The following MICU1 variants were observed in gnomAD, a reference collection of about 807,000 sequenced individuals.
MICU1 encodes the protein calcium uptake protein 1, mitochondrial.
A neutral mutation model predicts 56.8 loss-of-function variants in MICU1; 45 were observed. The observed-to-expected ratio is 0.79, with a 90% confidence interval of 0.62 to 1.02. MICU1 has a LOEUF of 1.02. MICU1 is among the 50% of genes least tolerant of loss of function. The pLI, the probability that MICU1 is intolerant of heterozygous loss-of-function variation, is 0.00. For synonymous variants in MICU1, 186 were observed against 195.1 expected (o/e 0.95, Z 0.39); for missense variants, 504 against 587.1 (o/e 0.86, Z 1.46).
chr10:72,501,216 T>C (rs1415823284), intron 6 of MICU1, among the ~76,000 whole-genome samples: 4 of 152,128 alleles, frequency 2.6e-5, no homozygotes, highest in Non-Finnish European at 5.9e-5. Flanking sequence ...AGATAAGGTT[T>C]AAAGCAATAG....
intron 8 of MICU1, among the ~76,000 whole-genome samples, chr10:72,470,016 T>C (rs975238479): frequency 6.6e-6 from 1 of 152,226 alleles, no homozygotes; most frequent in African/African-American, 2.4e-5. Context: ...TAAAGTCATA[T>C]TCTGAGATAC....
At chr10:72,601,404 T>G (rs1841529165) in intron 1 of MICU1, among the ~76,000 whole-genome samples, 1 of 118,896 alleles carries the variant, frequency 8.4e-6, no homozygotes. Context: ...AGCTTAAGAG[T>G]CAGAGCAAAT....
At chr10:72,427,731 A>AAAATAAAT (rs1491112212) in intron 8 of MICU1, among the ~76,000 whole-genome samples, 9 of 119,434 alleles carry the variant, frequency 7.5e-5, no homozygotes, top group African/African-American at 2.8e-4. Context: ...CCCCATCTCT[A>AAAATAAAT]AAATATATAT....
chr10:72,379,149 C>G (rs1459217102), intron 10 of MICU1, among the ~76,000 whole-genome samples: 2 of 152,140 alleles, frequency 1.3e-5, no homozygotes, highest in Non-Finnish European at 2.9e-5. Flanking sequence ...ACAGAAGGAA[C>G]AGAAATCAGG....
intron 11 of MICU1, among the ~76,000 whole-genome samples, chr10:72,374,373 G>A (rs556945941): frequency 1.6e-4 from 25 of 152,264 alleles, no homozygotes; most frequent in Non-Finnish European, 2.5e-4. Flanking sequence ...CCATCTTCCT[G>A]CCTTAGCCTC....
chr10:72,456,684 A>C (rs1358587115), intron 8 of MICU1, among the ~76,000 whole-genome samples: 1 of 151,794 alleles, frequency 6.6e-6, no homozygotes, highest in East Asian at 1.9e-4. Context: ...TTTTAGGGTA[A>C]TTTCTTTCTT....
At chr10:72,546,304 A>T (rs140542868) in intron 4 of MICU1, among the ~76,000 whole-genome samples, 72 of 152,320 alleles carry the variant, frequency 4.7e-4, no homozygotes, top group African/African-American at 1.5e-3. Flanking sequence ...ATATATTTTA[A>T]GTTCAGCCTA....
At chr10:72,495,655 CAA>C (rs758909513) in intron 6 of MICU1, among the ~76,000 whole-genome samples, 8,388 of 85,132 alleles carry the variant, frequency 0.099, 279 homozygotes, top group African/African-American at 0.24. Flanking sequence ...ACCTCTGTCT[CAA>C]AAAAAAAAAA....
At chr10:72,529,875 A>C (rs1267599161) in intron 5 of MICU1, among the ~76,000 whole-genome samples, 1 of 152,012 alleles carries the variant, frequency 6.6e-6, no homozygotes, top group East Asian at 1.9e-4. Flanking sequence ...TCATTAAATA[A>C]ATAATCCAAA....
intron 6 of MICU1, among the ~76,000 whole-genome samples, chr10:72,492,771 T>C (rs907276216): frequency 3.9e-5 from 4 of 103,540 alleles, no homozygotes; most frequent in African/African-American, 1.3e-4. Flanking sequence ...TCAAAATAAA[T>C]AAAATAAAAA....
chr10:72,406,004 G>GA (rs568120961), intron 10 of MICU1, among the ~76,000 whole-genome samples: 1 of 145,630 alleles, frequency 6.9e-6, no homozygotes, highest in Non-Finnish European at 1.5e-5. Context: ...AATAAAGCAA[G>GA]AAAAAAAAAG....
At chr10:72,499,824 C>A (rs567341256) in intron 6 of MICU1, among the ~76,000 whole-genome samples, 24 of 152,256 alleles carry the variant, frequency 1.6e-4, no homozygotes, top group Admixed American at 1.5e-3. Flanking sequence ...ATAACATTTT[C>A]ATTAGATGGA....
Position 72,463,675 on chromosome 10 carries a change from T to C in MICU1, c.933+11425A>G, listed in dbSNP as rs200493619. On this transcript the variant is annotated intron_variant, in intron 8 of 11. Transcript: ENST00000361114. ...TAATGGCGTTCCCATAAGATTATCA[T>C]GGAACTGAAAAATTCCTATCACCTA... Among the ~76,000 whole-genome samples the C allele has an allele frequency of 3.3e-5, 5 of 152,222 alleles. No individual in the cohort carries two copies. The East Asian group carries it at 9.6e-4, about 29-fold the overall frequency.
chr10:72,481,645 C>T (rs1233809801), intron 6 of MICU1, among the ~76,000 whole-genome samples: 1 of 152,198 alleles, frequency 6.6e-6, no homozygotes, highest in African/African-American at 2.4e-5. Flanking sequence ...CTCCTGGCCT[C>T]AAGTGATGCA....
At chr10:72,540,144 G>A (rs1189198128) in intron 4 of MICU1, among the ~76,000 whole-genome samples, 6 of 151,944 alleles carry the variant, frequency 3.9e-5, no homozygotes, top group African/African-American at 1.5e-4. Context: ...GCGCATGCCT[G>A]TAATCCCAGC....
intron 4 of MICU1, among the ~76,000 whole-genome samples, chr10:72,544,114 C>CTGTT: frequency 6.6e-6 from 1 of 150,686 alleles, no homozygotes; most frequent in Non-Finnish European, 1.5e-5. Flanking sequence ...AAATCCCTGT[C>CTGTT]CTGTTCTGTT....
intron 5 of MICU1, among the ~76,000 whole-genome samples, chr10:72,530,353 T>TAAG (rs1839443554): frequency 7.1e-6 from 1 of 141,710 alleles, no homozygotes. Context: ...ATAATAATAA[T>TAAG]AATAATAATA....
chr10:72,597,820 G>A (rs966394837), intron 1 of MICU1, among the ~76,000 whole-genome samples: 1 of 152,100 alleles, frequency 6.6e-6, no homozygotes, highest in African/African-American at 2.4e-5. Context: ...CCTTTCCCTT[G>A]GGGCCACTGA....
At chr10:72,555,069 T>A (rs1461525900) in intron 3 of MICU1, among the ~76,000 whole-genome samples, 2 of 151,914 alleles carry the variant, frequency 1.3e-5, no homozygotes, top group African/African-American at 4.8e-5. Flanking sequence ...AAAACAGACA[T>A]TCTATGTGAC....
Sources: allele counts gnomAD v4.1 joint callset (sites outside exome capture counted in the v4.1 genomes callset), GRCh38; gene constraint gnomAD v4.1.1; transcripts MANE v1.5; gene names NCBI Gene and HGNC (gene_info 2026-07-23, HGNC 2026-07-21).